The following GABRB3 variants were observed in gnomAD, a reference collection of about 807,000 sequenced individuals.
GABRB3 encodes the protein gamma-aminobutyric acid receptor subunit beta-3.
Under a neutral mutation model 52.1 loss-of-function variants are expected in GABRB3, and 14 were observed. That is an observed-to-expected ratio of 0.27 (90% CI 0.18 to 0.42). The LOEUF is 0.42. Among genes scored for constraint, GABRB3 ranks in the 10% least tolerant of loss-of-function variants. The pLI is 1.00. For synonymous variants in GABRB3, 260 were observed against 232.3 expected (o/e 1.12, Z -1.08); for missense variants, 307 against 609.1 (o/e 0.50, Z 5.22).
At chr15:26,717,003 A>ACCAAAT (rs1889499706) in intron 3 of GABRB3, among the ~76,000 whole-genome samples, 1 of 117,360 alleles carries the variant, frequency 8.5e-6, no homozygotes, top group Non-Finnish European at 1.8e-5. Context: ...ACCCAATGAC[A>ACCAAAT]GACAGCCCAG....
rs935050948 is a variant in GABRB3, at chr15:26,743,632, A to G, written c.240+28770T>C. Among the ~76,000 whole-genome samples the G allele has an allele frequency of 2.6e-5, 4 of 152,280 alleles. No homozygotes were observed. The South Asian group carries it at 6.2e-4, about 24-fold the overall frequency. On this transcript the variant is annotated intron_variant, in intron 3 of 8. Coordinates refer to ENST00000311550, the MANE Select transcript of GABRB3 (RefSeq NM_000814.6). ...AAATCCAACATTGTGGGGAAGGTGAACATCATTAGTTTTTCTGTATGTTTT... is the reference window on the plus strand; with the variant it reads ...AAATCCAACATTGTGGGGAAGGTGAGCATCATTAGTTTTTCTGTATGTTTT...
intron 3 of GABRB3, among the ~76,000 whole-genome samples, chr15:26,679,313 G>A (rs1186686425): frequency 6.6e-6 from 1 of 152,166 alleles, no homozygotes; most frequent in Non-Finnish European, 1.5e-5. Flanking sequence ...CTTAGTGTAA[G>A]CACAGGCTGG....
At chr15:26,599,700 G>C (rs1891518434) in intron 4 of GABRB3, among the ~76,000 whole-genome samples, 1 of 152,198 alleles carries the variant, frequency 6.6e-6, no homozygotes. Flanking sequence ...GAGAGGATGA[G>C]ATAGTGAAGG....
rs1482838525 is a variant in GABRB3, at chr15:26,543,557, T to TA, written c.*4235dup. 1 of 152,620 alleles carries TA rather than the reference T, an allele frequency of 6.6e-6. No homozygotes were observed. The highest frequency in any genetic ancestry group is 1.9e-4 in the East Asian group (1 of 5,196). The allele number at this position is 152,620 out of a possible 1,614,324, so 9.5% of individuals were successfully genotyped here. A position where few individuals can be genotyped will look rare whatever the true frequency, so the allele number is the denominator to read the frequency against. On this transcript the variant is annotated 3_prime_UTR_variant, in exon 9 of 9. Transcript: ENST00000311550. ...AATCAGTCTTCACATTTAGGTCAGT[T>TA]ACTCCTTTTTTAATAAATTTGAATT...
chr15:26,649,794 A>G (rs1887140346), intron 3 of GABRB3, among the ~76,000 whole-genome samples: 1 of 152,028 alleles, frequency 6.6e-6, no homozygotes, highest in Admixed American at 6.6e-5. Flanking sequence ...CAATATGAAA[A>G]TACACTAAAA....
At chr15:26,692,162 C>T (rs1256980576) in intron 3 of GABRB3, among the ~76,000 whole-genome samples, 1 of 152,190 alleles carries the variant, frequency 6.6e-6, no homozygotes, top group East Asian at 1.9e-4. Flanking sequence ...GGGCTTCAAG[C>T]CAAGTGTCTT....
chr15:26,674,046 A>G (rs1887979245), intron 3 of GABRB3, among the ~76,000 whole-genome samples: 1 of 151,780 alleles, frequency 6.6e-6, no homozygotes, highest in Non-Finnish European at 1.5e-5. Context: ...CAATCAATCA[A>G]TCACATATTT....
intron 3 of GABRB3, among the ~76,000 whole-genome samples, chr15:26,716,460 G>A (rs1287505051): frequency 6.6e-6 from 1 of 152,136 alleles, no homozygotes; most frequent in African/African-American, 2.4e-5. Flanking sequence ...TCACCATGCA[G>A]CACCTAACCC....
intron 3 of GABRB3, among the ~76,000 whole-genome samples, chr15:26,756,158 T>C (rs974130749): frequency 1.3e-5 from 2 of 152,160 alleles, no homozygotes; most frequent in African/African-American, 4.8e-5. Context: ...TGACAACTTT[T>C]TTTAATTTTG....
intron 3 of GABRB3, among the ~76,000 whole-genome samples, chr15:26,660,231 G>GA (rs1262318777): frequency 0.039 from 5,323 of 137,692 alleles, 329 homozygotes; most frequent in African/African-American, 0.13. Context: ...CTCCATCTCG[G>GA]AAAAAAAAAA....
intron 3 of GABRB3, among the ~76,000 whole-genome samples, chr15:26,642,189 T>C (rs1007412254): frequency 1.3e-5 from 2 of 151,970 alleles, no homozygotes; most frequent in Non-Finnish European, 2.9e-5. Context: ...CACCAAGCCT[T>C]CCCCCCAGAT....
chr15:26,744,080 C>A (rs989336758), intron 3 of GABRB3, among the ~76,000 whole-genome samples: 4 of 152,130 alleles, frequency 2.6e-5, no homozygotes, highest in Admixed American at 2.0e-4. Flanking sequence ...CACTAAAACA[C>A]CAGCCAAGCT....
intron 3 of GABRB3, among the ~76,000 whole-genome samples, chr15:26,681,345 C>T (rs778966675): frequency 6.6e-5 from 10 of 152,254 alleles, no homozygotes; most frequent in Non-Finnish European, 8.8e-5. Flanking sequence ...TTATTAAAAA[C>T]ATAAATAATA....
intron 8 of GABRB3, among the ~76,000 whole-genome samples, chr15:26,554,173 AAAGTATATATATATATAC>A (rs1356084343): frequency 3.2e-5 from 1 of 31,384 alleles, no homozygotes; most frequent in African/African-American, 8.9e-5. Flanking sequence ...ATATATATAT[AAAGTATATATATATATAC>A]TATATATATA....
intron 3 of GABRB3, among the ~76,000 whole-genome samples, chr15:26,645,981 C>G (rs1032850635): frequency 6.8e-6 from 1 of 147,828 alleles, no homozygotes; most frequent in East Asian, 1.9e-4. Context: ...AAAAAAAAAA[C>G]AATATATGAA....
intron 3 of GABRB3, among the ~76,000 whole-genome samples, chr15:26,767,853 C>G (rs941580196): frequency 1.4e-4 from 22 of 152,152 alleles, no homozygotes; most frequent in Non-Finnish European, 2.5e-4. Context: ...CCTCTTTGCC[C>G]CTCTTCTAAA....
intron 3 of GABRB3, among the ~76,000 whole-genome samples, chr15:26,681,374 C>A (rs946498990): frequency 6.6e-6 from 1 of 152,054 alleles, no homozygotes; most frequent in Non-Finnish European, 1.5e-5. Context: ...GATATTCTGC[C>A]CCCCCGTATG....
At chr15:26,584,008 C>T (rs1048903476) in intron 4 of GABRB3, among the ~76,000 whole-genome samples, 3 of 152,102 alleles carry the variant, frequency 2.0e-5, no homozygotes, top group African/African-American at 7.2e-5. Flanking sequence ...GACCTCTTGA[C>T]CTCGTGATCC....
chr15:26,752,241 A>G (rs1890530550), intron 3 of GABRB3, among the ~76,000 whole-genome samples: 1 of 143,770 alleles, frequency 7.0e-6, no homozygotes, highest in African/African-American at 2.6e-5. Context: ...TTATTTATTT[A>G]TTTATTTATT....
Sources: allele counts gnomAD v4.1 joint callset (sites outside exome capture counted in the v4.1 genomes callset), GRCh38; gene constraint gnomAD v4.1.1; transcripts MANE v1.5; gene names NCBI Gene and HGNC (gene_info 2026-07-23, HGNC 2026-07-21).